ERGIC1: variants seen among roughly 807,000 people sequenced by gnomAD.
ERGIC1 encodes endoplasmic reticulum-golgi intermediate compartment 1, also known as endoplasmic reticulum-Golgi intermediate compartment protein 1.
ERGIC1 carries 19 observed loss-of-function variants against 38.3 expected under a neutral mutation model. That is an observed-to-expected ratio of 0.50 (90% CI 0.35 to 0.73). ERGIC1 has a LOEUF of 0.73. ERGIC1 is among the 30% of genes least tolerant of loss of function. The pLI, the probability that ERGIC1 is intolerant of heterozygous loss-of-function variation, is 0.01. For missense variants in ERGIC1, 294 were observed against 389.2 expected (o/e 0.76, Z 2.06); for synonymous variants, 124 against 157.6 (o/e 0.79, Z 1.60).
intron 2 of ERGIC1, among the ~76,000 whole-genome samples, chr5:172,892,062 GTTTTTTTT>G (rs573472747): frequency 1.0e-4 from 9 of 90,192 alleles, no homozygotes; most frequent in South Asian, 3.9e-4. Flanking sequence ...TAAAGAGTAT[GTTTTTTTT>G]TTTTTTTTTT....
rs1763861843 is a variant in ERGIC1, at chr5:172,935,188, G to A, written c.643G>A (p.Glu215Lys). The A allele has an allele frequency of 3.1e-6, 5 of 1,614,070 alleles. No individual in the cohort carries two copies. The highest frequency in any genetic ancestry group is 2.2e-5 in the East Asian group (1 of 44,876). ...YSYQYTVANK[E>K]YVAYSHTGRI... ...CTGATTCTTATATCCTCTACCCCAG[G>A]AATACGTCGCCTACAGCCACACGGG... Residue 215 changes from glutamate to lysine, a missense_variant and splice_region_variant, in exon 9 of 10, where the codon GAA (glutamate) becomes AAA (lysine). Transcript: ENST00000393784.
intron 3 of ERGIC1, among the ~76,000 whole-genome samples, chr5:172,903,865 T>TA (rs1434204643): frequency 2.0e-5 from 3 of 151,916 alleles, no homozygotes; most frequent in African/African-American, 7.3e-5. Flanking sequence ...CCTGGTAGCC[T>TA]AGGCTTCGAA....
chr5:172,873,049 G>A (rs906114774), intron 1 of ERGIC1, among the ~76,000 whole-genome samples: 4 of 152,184 alleles, frequency 2.6e-5, no homozygotes, highest in South Asian at 2.1e-4. Flanking sequence ...CGTGCCTGGC[G>A]GGGAGCCACG....
chr5:172,897,957 G>A (rs867238577), intron 3 of ERGIC1: 1 of 413,330 alleles, frequency 2.4e-6, no homozygotes, highest in African/African-American at 2.1e-5. Context: ...TGGGGTGTGT[G>A]TAACAGAATG....
At chr5:172,892,879 G>A (rs940423036) in intron 2 of ERGIC1, among the ~76,000 whole-genome samples, 4 of 152,174 alleles carry the variant, frequency 2.6e-5, no homozygotes, top group African/African-American at 7.2e-5. Flanking sequence ...CCATGAATGC[G>A]TGTGATCGGG....
At chr5:172,905,108 C>T (rs1762983784) in intron 3 of ERGIC1, 1 of 161,620 alleles carries the variant, frequency 6.2e-6, no homozygotes, top group Non-Finnish European at 1.4e-5. Flanking sequence ...TGGCTGAGGT[C>T]ACCTCCAGAG....
chr5:172,899,695 A>T (rs1321505394), intron 3 of ERGIC1, among the ~76,000 whole-genome samples: 1 of 152,016 alleles, frequency 6.6e-6, no homozygotes, highest in Non-Finnish European at 1.5e-5. Flanking sequence ...GGCTCCACAC[A>T]TGGAGGAGCT....
At chr5:172,862,085 G>A (rs1476770375) in intron 1 of ERGIC1, among the ~76,000 whole-genome samples, 12 of 151,278 alleles carry the variant, frequency 7.9e-5, no homozygotes, top group Non-Finnish European at 1.6e-4. Flanking sequence ...TCCGCCTCCC[G>A]GGTTCAAGCG....
intron 2 of ERGIC1, among the ~76,000 whole-genome samples, chr5:172,892,395 T>G (rs1762590736): frequency 6.6e-6 from 1 of 152,182 alleles, no homozygotes; most frequent in African/African-American, 2.4e-5. Flanking sequence ...GTGCTATTAA[T>G]AACTGAAGGA....
intron 3 of ERGIC1, among the ~76,000 whole-genome samples, chr5:172,900,290 G>T (rs1472450108): frequency 6.6e-6 from 1 of 152,204 alleles, no homozygotes; most frequent in Non-Finnish European, 1.5e-5. Flanking sequence ...TTTCTGAAGA[G>T]CACAGTGTGT....
At chr5:172,907,428 C>T (rs1219323411) in intron 3 of ERGIC1, among the ~76,000 whole-genome samples, 1 of 152,142 alleles carries the variant, frequency 6.6e-6, no homozygotes, top group Non-Finnish European at 1.5e-5. Context: ...CATGGTGGCG[C>T]ATGCCAGTAG....
chr5:172,855,701 G>A (rs756155517), intron 1 of ERGIC1, among the ~76,000 whole-genome samples: 21 of 152,350 alleles, frequency 1.4e-4, no homozygotes, highest in South Asian at 2.1e-4. Flanking sequence ...AGCCAGGCCC[G>A]TCCAGCACGT....
intron 2 of ERGIC1, among the ~76,000 whole-genome samples, chr5:172,894,058 T>A (rs1320526975): frequency 7.0e-6 from 1 of 143,104 alleles, no homozygotes; most frequent in Non-Finnish European, 1.5e-5. Flanking sequence ...TTTTTTTTTT[T>A]TATAATACGC....
At chr5:172,882,042 A>G (rs1481158490) in intron 1 of ERGIC1, among the ~76,000 whole-genome samples, 3 of 152,182 alleles carry the variant, frequency 2.0e-5, no homozygotes, top group Non-Finnish European at 4.4e-5. Flanking sequence ...CAGCCTCCTG[A>G]TAACCCATTT....
At chr5:172,863,931 C>T (rs1761784669) in intron 1 of ERGIC1, among the ~76,000 whole-genome samples, 1 of 152,210 alleles carries the variant, frequency 6.6e-6, no homozygotes, top group South Asian at 2.1e-4. Flanking sequence ...CGCGGTGGCT[C>T]ACGCCTGTAA....
chr5:172,851,260 G>A (rs1184545175), intron 1 of ERGIC1, among the ~76,000 whole-genome samples: 4 of 149,648 alleles, frequency 2.7e-5, no homozygotes, highest in Non-Finnish European at 4.4e-5. Flanking sequence ...TGTAAAGCCA[G>A]CACTTTGGGA....
At chr5:172,897,178 C>A in intron 3 of ERGIC1, 104 bp downstream of exon 3, 2 of 1,123,148 alleles carry the variant, frequency 1.8e-6, no homozygotes, top group Non-Finnish European at 1.3e-6. Context: ...CCTGTAATCC[C>A]AACACTTTGG....
intron 1 of ERGIC1, among the ~76,000 whole-genome samples, chr5:172,853,432 A>G (rs1265275848): frequency 6.6e-6 from 1 of 151,984 alleles, no homozygotes; most frequent in African/African-American, 2.4e-5. Flanking sequence ...TCTGCCAGGT[A>G]CCTCTCAGCT....
intron 2 of ERGIC1, among the ~76,000 whole-genome samples, chr5:172,896,600 T>C (rs1762728947): frequency 6.6e-6 from 1 of 152,244 alleles, no homozygotes; most frequent in African/African-American, 2.4e-5. Flanking sequence ...GCCAGAATGC[T>C]GGCCTTTTAT....
Sources: gnomAD v4.1 joint callset for allele counts (sites outside exome capture counted in the v4.1 genomes callset) on GRCh38, gnomAD v4.1.1 for gene constraint, MANE v1.5 for transcripts, NCBI Gene and HGNC (gene_info 2026-07-23, HGNC 2026-07-21) for gene names.